Variants in PITPNM3 observed in about 807,000 individuals in gnomAD.
PITPNM3 encodes membrane-associated phosphatidylinositol transfer protein 3.
A neutral mutation model predicts 102.0 loss-of-function variants in PITPNM3; 26 were observed. That is an observed-to-expected ratio of 0.25 (90% CI 0.19 to 0.35). PITPNM3 has a LOEUF of 0.35. Among genes scored for constraint, PITPNM3 ranks in the 10% least tolerant of loss-of-function variants. The probability of loss-of-function intolerance (pLI) is 1.00; values close to 1 mark genes in which losing one functional copy is unlikely to be tolerated. For missense variants in PITPNM3, 1,083 were observed against 1,346.1 expected (o/e 0.80, Z 3.06); for synonymous variants, 578 against 558.6 (o/e 1.03, Z -0.49).
chr17:6,481,264 C>G (rs558923112), intron 6 of PITPNM3: 1 of 151,414 alleles, frequency 6.6e-6, no homozygotes, highest in African/African-American at 2.4e-5. Flanking sequence ...CTAGTATCTC[C>G]AAGGTTGGCA....
chr17:6,520,832 T>C (rs1908466548), intron 3 of PITPNM3, among the ~76,000 whole-genome samples: 1 of 152,196 alleles, frequency 6.6e-6, no homozygotes, highest in Non-Finnish European at 1.5e-5. Context: ...TGATTCATGT[T>C]GCAAGATGAA....
chr17:6,554,905 A>G (rs1479956863), intron 1 of PITPNM3, among the ~76,000 whole-genome samples: 1 of 152,216 alleles, frequency 6.6e-6, no homozygotes, highest in Non-Finnish European at 1.5e-5. Flanking sequence ...AACAAGCAGC[A>G]AATGTTCACT....
At chr17:6,513,302 T>A (rs1216957881) in intron 3 of PITPNM3, among the ~76,000 whole-genome samples, 2 of 152,102 alleles carry the variant, frequency 1.3e-5, no homozygotes, top group African/African-American at 4.8e-5. Context: ...AGACTCTAGT[T>A]AAGGAAATTA....
At chr17:6,471,024 C>T in intron 12 of PITPNM3, 137 bp downstream of exon 12, 1 of 1,012,766 alleles carries the variant, frequency 9.9e-7, no homozygotes, top group Non-Finnish European at 1.5e-6. Flanking sequence ...AAGGCAGAAG[C>T]AAGCCCCCAG....
At chr17:6,492,480 T>C (rs1906551610) in intron 4 of PITPNM3, among the ~76,000 whole-genome samples, 1 of 151,552 alleles carries the variant, frequency 6.6e-6, no homozygotes, top group South Asian at 2.1e-4. Flanking sequence ...AATGAGGGAG[T>C]ATAAAAGGAT....
rs887556581 is a variant in PITPNM3 at position 6,545,998 on chromosome 17, C to T, written c.23-7916G>A. 2.6e-5 allele frequency among the ~76,000 whole-genome samples: 4 copies of T among 152,192 alleles called. No homozygotes were observed. In the South Asian group the frequency reaches 6.2e-4, roughly 24 times the overall value. ...AGGCCCCCTCTCAGGGGAGCATCCC[C>T]GAGGGAATGTCCTCAGGCTTCCTCT... is the stretch of plus-strand genomic sequence containing the variant. On this transcript the variant is annotated intron_variant, in intron 1 of 19. Coordinates refer to ENST00000262483, the MANE Select transcript of PITPNM3 (RefSeq NM_031220.4).
chr17:6,542,742 G>A (rs796144313), intron 1 of PITPNM3, among the ~76,000 whole-genome samples: 14 of 152,328 alleles, frequency 9.2e-5, no homozygotes, highest in African/African-American at 3.1e-4. Flanking sequence ...AAGGATTGAG[G>A]CAGGGTAAGC....
At position 6,556,533 on chromosome 17, in the gene PITPNM3, C is replaced by A. The variant is rs1910627802; in HGVS notation, c.-127G>T. On this transcript the variant is annotated 5_prime_UTR_variant, in exon 1 of 20. Coordinates refer to ENST00000262483, the MANE Select transcript of PITPNM3 (RefSeq NM_031220.4). The surrounding 1 kb of genome is among the most constrained non-coding windows in gnomAD (Gnocchi z 5.2). ...CGCGCCCCCGCCCCGCTCGCCTCGG[C>A]TGCCGCCACCGCAGCCGCCGCCGCC... 1 of 585,662 alleles carries A rather than the reference C, an allele frequency of 1.7e-6. No individual in the cohort carries two copies. The highest frequency in any genetic ancestry group is 2.1e-6 in the Non-Finnish European group (1 of 465,934). 36.3% of individuals were successfully genotyped at this position (585,662 alleles called of 1,614,324 possible). A position where few individuals can be genotyped will look rare whatever the true frequency, so the allele number is the denominator to read the frequency against.
At chr17:6,465,166 C>A (rs1404192381) in intron 14 of PITPNM3, among the ~76,000 whole-genome samples, 1 of 152,234 alleles carries the variant, frequency 6.6e-6, no homozygotes, top group Non-Finnish European at 1.5e-5. Context: ...CCTGCCTCAG[C>A]CTCCTGCGTA....
intron 3 of PITPNM3, among the ~76,000 whole-genome samples, chr17:6,518,792 G>T (rs1274295653): frequency 6.6e-6 from 1 of 152,124 alleles, no homozygotes. Flanking sequence ...GAACAATGAG[G>T]GGAATGAGAA....
rs1393815496 is a variant in PITPNM3 at position 6,469,985 on chromosome 17, A to G, written c.1773+275T>C. Reference sequence around the variant, plus strand: ...TGGGAACTGACTACTCCAGTCTCCAAGTTGAAACACTGGGACACTCTCCTG... The same window carrying G: ...TGGGAACTGACTACTCCAGTCTCCAGGTTGAAACACTGGGACACTCTCCTG... On this transcript the variant is annotated intron_variant, in intron 13 of 19. Transcript: ENST00000262483. This position sits in a 1 kb window ranked among gnomAD's most constrained non-coding sequence, Gnocchi z 4.0. 1.3e-5 allele frequency among the ~76,000 whole-genome samples: 2 copies of G among 152,180 alleles called. No individual in the cohort carries two copies. Among genetic ancestry groups the G allele is most frequent in the Non-Finnish European group, 2.9e-5 (2 of 68,034 alleles).
intron 1 of PITPNM3, among the ~76,000 whole-genome samples, chr17:6,555,815 C>A (rs1204004694): frequency 2.0e-5 from 3 of 152,224 alleles, no homozygotes; most frequent in Non-Finnish European, 2.9e-5. Flanking sequence ...GCCTCCGCAG[C>A]TGAGGCTTTG....
chr17:6,556,327 T>G lies in PITPNM3; in HGVS notation c.22+58A>C. 7.3e-7 allele frequency: 1 copy of G among 1,367,982 alleles called. No individual in the cohort carries two copies. Among genetic ancestry groups the G allele is most frequent in the Non-Finnish European group, 9.6e-7 (1 of 1,046,170 alleles). 84.7% of individuals were successfully genotyped at this position (1,367,982 alleles called of 1,614,324 possible). On this transcript the variant is annotated intron_variant, in intron 1 of 19. Transcript: ENST00000262483. The surrounding 1 kb of genome is among the most constrained non-coding windows in gnomAD (Gnocchi z 5.2). Reference sequence around the variant, plus strand: ...TCACCTGGGCCGGCGGCCCCTCCTCTAGACGCGCGAGTCCCTCCCCCGGGC... The same window carrying G: ...TCACCTGGGCCGGCGGCCCCTCCTCGAGACGCGCGAGTCCCTCCCCCGGGC...
chr17:6,539,410 C>T (rs1389682739), intron 1 of PITPNM3, among the ~76,000 whole-genome samples: 1 of 152,124 alleles, frequency 6.6e-6, no homozygotes, highest in Admixed American at 6.6e-5. Context: ...ATAAAATTGT[C>T]TTCATTCCCA....
intron 2 of PITPNM3, among the ~76,000 whole-genome samples, chr17:6,536,245 C>CT (rs1450339689): frequency 6.6e-6 from 1 of 152,184 alleles, no homozygotes; most frequent in African/African-American, 2.4e-5. Flanking sequence ...ATGAGAAGCA[C>CT]TGCAGCTGCT....
chr17:6,554,306 G>A (rs1910482037), intron 1 of PITPNM3, among the ~76,000 whole-genome samples: 3 of 126,900 alleles, frequency 2.4e-5, no homozygotes, highest in Admixed American at 8.9e-5. Flanking sequence ...GAGACAGACC[G>A]AGACTCCATC....
At chr17:6,514,755 A>G (rs925667731) in intron 3 of PITPNM3, among the ~76,000 whole-genome samples, 1 of 152,254 alleles carries the variant, frequency 6.6e-6, no homozygotes, top group Non-Finnish European at 1.5e-5. Flanking sequence ...TCCTATGTAT[A>G]TCAGCAAGAT....
chr17:6,495,686 C>T (rs1035791605), intron 4 of PITPNM3, among the ~76,000 whole-genome samples: 3 of 152,022 alleles, frequency 2.0e-5, no homozygotes, highest in African/African-American at 4.8e-5. Context: ...ACCCTTCCCC[C>T]ACCAGAGTGC....
intron 4 of PITPNM3, among the ~76,000 whole-genome samples, chr17:6,497,709 G>C (rs1267304257): frequency 6.6e-6 from 1 of 152,208 alleles, no homozygotes; most frequent in Non-Finnish European, 1.5e-5. Context: ...GCTGGCTCTG[G>C]AAAAGCCATG....
Sources: gnomAD v4.1 joint callset for allele counts (sites outside exome capture counted in the v4.1 genomes callset) on GRCh38, gnomAD v4.1.1 for gene constraint, Gnocchi (gnomAD v3.1) non-coding constraint, MANE v1.5 for transcripts, NCBI Gene and HGNC (gene_info 2026-07-23, HGNC 2026-07-21) for gene names.